PRIM2: variants seen among roughly 807,000 people sequenced by gnomAD.
PRIM2 encodes DNA primase large subunit.
Under a neutral mutation model 67.3 loss-of-function variants are expected in PRIM2, and 39 were observed. That is an observed-to-expected ratio of 0.58 (90% CI 0.45 to 0.76). The LOEUF (loss-of-function observed/expected upper bound fraction) is 0.76, where lower values mean the gene tolerates loss of function less well. PRIM2 is among the 30% of genes least tolerant of loss of function. PRIM2 has a pLI of 0.00. For synonymous variants in PRIM2, 143 were observed against 198.7 expected (o/e 0.72, Z 2.36); for missense variants, 398 against 598.7 (o/e 0.66, Z 3.50).
chr6:57,461,783 G>A (rs1477531475), intron 7 of PRIM2, among the ~76,000 whole-genome samples: 8 of 152,118 alleles, frequency 5.3e-5, no homozygotes, highest in Non-Finnish European at 8.8e-5. Flanking sequence ...ATAAATAATA[G>A]TGATCAAAGA....
chr6:57,394,030 T>C (rs1770443053), intron 7 of PRIM2, among the ~76,000 whole-genome samples: 3 of 152,200 alleles, frequency 2.0e-5, no homozygotes, highest in Non-Finnish European at 2.9e-5. Context: ...TGTGCCTGTT[T>C]TTATACCAGT....
At chr6:57,377,487 G>GTT (rs11383953) in intron 5 of PRIM2, among the ~76,000 whole-genome samples, 28 of 139,436 alleles carry the variant, frequency 2.0e-4, no homozygotes, top group African/African-American at 6.8e-4. Flanking sequence ...GTTTTCATTT[G>GTT]TTTTTTTTTT....
intron 10 of PRIM2, among the ~76,000 whole-genome samples, chr6:57,558,875 C>G (rs1775571902): frequency 1.3e-5 from 2 of 152,016 alleles, no homozygotes; most frequent in African/African-American, 4.8e-5. Context: ...CACCTATAAT[C>G]TCAGTGCTGT....
Position 57,645,964 on chromosome 6 carries a change from C to A in PRIM2, c.1336C>A (p.Gln446Lys). Residue 446 changes from glutamine (Q) to lysine (K), a missense_variant, in exon 14 of 14, where the codon CAG becomes AAG. By Grantham distance (53) the Gln-to-Lys change is moderately conservative. Coordinates refer to ENST00000615550, the MANE Select transcript of PRIM2 (RefSeq NM_000947.5). ...DCGFSLNHPN[Q>K]FFCESQRILN... ...TGGCTTTTCTTTGAATCATCCTAAT[C>A]AGTTCTTTTGTGAGAGCCAACGTAT... The A allele has an allele frequency of 1.2e-6, 2 of 1,600,712 alleles. No homozygotes were observed. Among genetic ancestry groups the A allele is most frequent in the South Asian group, 1.1e-5 (1 of 90,826 alleles).
intron 9 of PRIM2, among the ~76,000 whole-genome samples, chr6:57,536,290 G>A (rs1775001338): frequency 6.6e-6 from 1 of 152,218 alleles, no homozygotes; most frequent in South Asian, 2.1e-4. Context: ...CATAGAGAAT[G>A]CAATTGAAAC....
chr6:57,393,365 G>A (rs376396464), intron 7 of PRIM2, among the ~76,000 whole-genome samples: 1 of 152,058 alleles, frequency 6.6e-6, no homozygotes, highest in Non-Finnish European at 1.5e-5. Context: ...GAGTAAGGTG[G>A]TATTGCAATG....
intron 7 of PRIM2, among the ~76,000 whole-genome samples, chr6:57,496,010 T>A (rs1773996864): frequency 6.6e-6 from 1 of 152,200 alleles, no homozygotes; most frequent in Non-Finnish European, 1.5e-5. Flanking sequence ...CCTCCCTAAG[T>A]GCTGGGATTA....
At chr6:57,329,712 G>A (rs544737261) in intron 5 of PRIM2, among the ~76,000 whole-genome samples, 2 of 152,236 alleles carry the variant, frequency 1.3e-5, no homozygotes, top group South Asian at 4.1e-4. Context: ...GGCCTCCCCA[G>A]ACACGCAGAG....
At chr6:57,541,593 G>A (rs1390672327) in intron 10 of PRIM2, among the ~76,000 whole-genome samples, 4 of 152,152 alleles carry the variant, frequency 2.6e-5, no homozygotes, top group African/African-American at 9.7e-5. Flanking sequence ...TTAACTGTAT[G>A]GGGTGAGGGG....
chr6:57,405,283 A>G (rs1336756091), intron 7 of PRIM2, among the ~76,000 whole-genome samples: 1 of 152,286 alleles, frequency 6.6e-6, no homozygotes, highest in Non-Finnish European at 1.5e-5. Flanking sequence ...GAAATTTTGC[A>G]CAGGGGAGCT....
At chr6:57,535,322 A>T (rs1774981865) in intron 9 of PRIM2, among the ~76,000 whole-genome samples, 1 of 151,846 alleles carries the variant, frequency 6.6e-6, no homozygotes, top group East Asian at 1.9e-4. Context: ...GGAGCCGAGG[A>T]CTCATTTTGG....
intron 3 of PRIM2, among the ~76,000 whole-genome samples, chr6:57,323,397 C>G (rs567374392): frequency 1.1e-4 from 17 of 151,870 alleles, no homozygotes; most frequent in African/African-American, 4.1e-4. Context: ...GTGGTGAGCA[C>G]CTTGGATATA....
the PRIM2 span, among the ~76,000 whole-genome samples, chr6:57,271,635 T>A: frequency 6.6e-6 from 1 of 152,234 alleles, no homozygotes; most frequent in East Asian, 1.9e-4. Flanking sequence ...CCTTCAGTTC[T>A]GCCCTGATCT....
chr6:57,420,357 G>A (rs1771425598), intron 7 of PRIM2, among the ~76,000 whole-genome samples: 1 of 152,070 alleles, frequency 6.6e-6, no homozygotes, highest in African/African-American at 2.4e-5. Context: ...ACAAAAATTA[G>A]CTGGGTGTGG....
intron 7 of PRIM2, among the ~76,000 whole-genome samples, chr6:57,425,808 A>G (rs1438038503): frequency 3.3e-5 from 5 of 152,230 alleles, no homozygotes; most frequent in African/African-American, 1.2e-4. Context: ...TCTCAGATAT[A>G]GTGTACCTTT....
chr6:57,409,179 CTT>C (rs71299588), intron 7 of PRIM2, among the ~76,000 whole-genome samples: 2 of 143,696 alleles, frequency 1.4e-5, no homozygotes. Context: ...TGGATAAATA[CTT>C]TTTTTTTTTT....
intron 10 of PRIM2, among the ~76,000 whole-genome samples, chr6:57,591,819 G>A (rs1177545884): frequency 1.3e-5 from 2 of 151,618 alleles, no homozygotes; most frequent in Non-Finnish European, 2.9e-5. Context: ...CCATTACTAC[G>A]TATATACCCA....
chr6:57,514,477 C>T (rs1413056817), intron 8 of PRIM2, among the ~76,000 whole-genome samples: 24 of 152,072 alleles, frequency 1.6e-4, no homozygotes, highest in Admixed American at 5.2e-4. Context: ...TGTTTGTTAG[C>T]TCTTTCTCAT....
At chr6:57,534,066 C>T (rs1774947744) in intron 9 of PRIM2, among the ~76,000 whole-genome samples, 3 of 152,132 alleles carry the variant, frequency 2.0e-5, no homozygotes, top group Non-Finnish European at 1.5e-5. Flanking sequence ...TTGGTATTTG[C>T]AACTCTTCTC....
Sources: gnomAD v4.1 joint callset for allele counts (sites outside exome capture counted in the v4.1 genomes callset) on GRCh38, gnomAD v4.1.1 for gene constraint, MANE v1.5 for transcripts, NCBI Gene and HGNC (gene_info 2026-07-23, HGNC 2026-07-21) for gene names.